XKR4: variants seen among roughly 807,000 people sequenced by gnomAD.
XKR4 encodes XK related 4.
Under a neutral mutation model 53.9 loss-of-function variants are expected in XKR4, and 12 were observed. The observed-to-expected ratio is 0.22, with a 90% CI of 0.14 to 0.36. The LOEUF is 0.36. Ranked by LOEUF, XKR4 falls within the 10% of genes least tolerant of loss-of-function variation. The pLI is 1.00. For missense variants in XKR4, 799 were observed against 859.5 expected (o/e 0.93, Z 0.88); for synonymous variants, 354 against 362.4 (o/e 0.98, Z 0.26).
intron 2 of XKR4, among the ~76,000 whole-genome samples, chr8:55,388,600 T>G (rs113007467): frequency 2.9e-3 from 443 of 152,336 alleles, no homozygotes; most frequent in African/African-American, 0.01. Context: ...AGCTCCCTCA[T>G]GTCTCTTTGT....
chr8:55,138,329 T>C (rs1432240536), intron 1 of XKR4, among the ~76,000 whole-genome samples: 3 of 152,184 alleles, frequency 2.0e-5, no homozygotes, highest in Non-Finnish European at 4.4e-5. Flanking sequence ...ACCCAATTTA[T>C]TCTACCCCTC....
At chr8:55,366,407 C>T (rs1168710347) in intron 2 of XKR4, among the ~76,000 whole-genome samples, 1 of 152,208 alleles carries the variant, frequency 6.6e-6, no homozygotes, top group Admixed American at 6.5e-5. Context: ...GAGACAAAAG[C>T]AGGCGCTCTA....
intron 1 of XKR4, among the ~76,000 whole-genome samples, chr8:55,213,856 C>CTTTTTTTTTTTTTTTTTTTTTTTTTTTTT (rs11433893): frequency 2.4e-5 from 2 of 82,348 alleles, no homozygotes; most frequent in African/African-American, 5.0e-5. Context: ...TTCTTTCTTT[C>CTTTTTTTTTTTTTTTTTTTTTTTTTTTTT]TTTTTTTTTT....
At chr8:55,512,231 G>A (rs747755336) in intron 2 of XKR4, among the ~76,000 whole-genome samples, 1 of 152,174 alleles carries the variant, frequency 6.6e-6, no homozygotes, top group African/African-American at 2.4e-5. Flanking sequence ...CCTCTGTCTG[G>A]AGGGTCCCCT....
chr8:55,200,375 A>G (rs770332794), intron 1 of XKR4, among the ~76,000 whole-genome samples: 15 of 152,260 alleles, frequency 9.9e-5, no homozygotes, highest in Admixed American at 1.3e-4. Context: ...GCCAGTCTAT[A>G]TCCTTTTACA....
chr8:55,149,550 C>G (rs1398095345), intron 1 of XKR4, among the ~76,000 whole-genome samples: 1 of 152,176 alleles, frequency 6.6e-6, no homozygotes, highest in African/African-American at 2.4e-5. Flanking sequence ...TAATGTTCAT[C>G]AGAGTTTCTT....
intron 1 of XKR4, among the ~76,000 whole-genome samples, chr8:55,170,542 T>TGA (rs1817143331): frequency 6.6e-6 from 1 of 152,198 alleles, no homozygotes; most frequent in African/African-American, 2.4e-5. Flanking sequence ...GTGAGACCTG[T>TGA]GTCTGAGAAC....
At chr8:55,247,604 C>CA (rs1320375946) in intron 1 of XKR4, among the ~76,000 whole-genome samples, 5 of 152,046 alleles carry the variant, frequency 3.3e-5, no homozygotes, top group Non-Finnish European at 5.9e-5. Flanking sequence ...TCTCTTGATA[C>CA]AAAAAATGTT....
chr8:55,395,853 T>G (rs1211685955), intron 2 of XKR4, among the ~76,000 whole-genome samples: 1 of 152,204 alleles, frequency 6.6e-6, no homozygotes, highest in Non-Finnish European at 1.5e-5. Context: ...CACCATGGAC[T>G]GGGTGGCTTC....
intron 1 of XKR4, among the ~76,000 whole-genome samples, chr8:55,252,383 A>T (rs1186006800): frequency 2.0e-5 from 3 of 152,194 alleles, no homozygotes; most frequent in Non-Finnish European, 4.4e-5. Context: ...TCAAACATGT[A>T]CACTGAGAGG....
chr8:55,483,670 A>G (rs963650432), intron 2 of XKR4, among the ~76,000 whole-genome samples: 1 of 152,166 alleles, frequency 6.6e-6, no homozygotes, highest in Non-Finnish European at 1.5e-5. Flanking sequence ...AAACAAAAAT[A>G]CAACATATAA....
At chr8:55,386,470 G>T (rs1009349213) in intron 2 of XKR4, among the ~76,000 whole-genome samples, 8 of 152,172 alleles carry the variant, frequency 5.3e-5, no homozygotes, top group Non-Finnish European at 7.3e-5. Flanking sequence ...CCAGAAAGAC[G>T]TTCATTCAAA....
intron 1 of XKR4, among the ~76,000 whole-genome samples, chr8:55,346,227 A>G (rs1249293662): frequency 6.6e-6 from 1 of 151,806 alleles, no homozygotes; most frequent in Non-Finnish European, 1.5e-5. Flanking sequence ...CAGGGATTAC[A>G]GGCATGCACT....
At chr8:55,364,446 C>G (rs185295711) in intron 2 of XKR4, among the ~76,000 whole-genome samples, 1 of 152,178 alleles carries the variant, frequency 6.6e-6, no homozygotes, top group African/African-American at 2.4e-5. Context: ...GTGTTCTCCC[C>G]GATGCCCCTC....
rs939815415 is a variant in XKR4, at chr8:55,474,900, T to G, written c.1007-48381T>G. On this transcript the variant is annotated intron_variant, in intron 2 of 2. Transcript: ENST00000327381. ...TATGCAGAAAACCAGTCTGTTAAAATGCATTAATGAACACCTGCTGGCCTT... is the reference window on the plus strand; with the variant it reads ...TATGCAGAAAACCAGTCTGTTAAAAGGCATTAATGAACACCTGCTGGCCTT... 2.6e-5 allele frequency among the ~76,000 whole-genome samples: 4 copies of G among 152,146 alleles called. 1 individual carries two copies. Among genetic ancestry groups the G allele is most frequent in the Non-Finnish European group, 5.9e-5 (4 of 68,044 alleles).
intron 1 of XKR4, among the ~76,000 whole-genome samples, chr8:55,139,442 C>T (rs932968639): frequency 1.4e-5 from 2 of 142,564 alleles, no homozygotes; most frequent in African/African-American, 5.3e-5. Context: ...GAGGCTGAGG[C>T]AGGAGGATTG....
At chr8:55,443,145 A>T (rs1349993432) in intron 2 of XKR4, among the ~76,000 whole-genome samples, 1 of 152,216 alleles carries the variant, frequency 6.6e-6, no homozygotes, top group Non-Finnish European at 1.5e-5. Context: ...TATAACACTG[A>T]TATATAAAAC....
chr8:55,150,864 A>G (rs1487576075), intron 1 of XKR4, among the ~76,000 whole-genome samples: 1 of 152,208 alleles, frequency 6.6e-6, no homozygotes, highest in Non-Finnish European at 1.5e-5. Flanking sequence ...AAAAGAAGGC[A>G]TATATGGAAG....
chr8:55,141,342 C>A (rs1189754439), intron 1 of XKR4, among the ~76,000 whole-genome samples: 1 of 152,150 alleles, frequency 6.6e-6, no homozygotes, highest in African/African-American at 2.4e-5. Context: ...CTGTCCCTCC[C>A]GTGCCCCTCA....
Sources: allele counts gnomAD v4.1 joint callset (sites outside exome capture counted in the v4.1 genomes callset), GRCh38; gene constraint gnomAD v4.1.1; transcripts MANE v1.5; gene names NCBI Gene and HGNC (gene_info 2026-07-23, HGNC 2026-07-21).